Variants in IREB2 observed in about 807,000 individuals in gnomAD.
The protein encoded by IREB2 is iron responsive element binding protein 2.
Under a neutral mutation model 118.8 loss-of-function variants are expected in IREB2, and 39 were observed. The ratio of observed to expected loss-of-function variants is 0.33; its 90% CI spans 0.25 to 0.43. IREB2 has a LOEUF of 0.43. Ranked by LOEUF, IREB2 falls within the 20% of genes least tolerant of loss-of-function variation. The pLI is 1.00. For missense variants in IREB2, 900 were observed against 1,147.3 expected (o/e 0.78, Z 3.11); for synonymous variants, 372 against 392.2 (o/e 0.95, Z 0.61).
chr15:78,478,856 C>A (rs2051520346), intron 10 of IREB2, among the ~76,000 whole-genome samples: 2 of 152,170 alleles, frequency 1.3e-5, no homozygotes. Context: ...ACAATATCTA[C>A]CTCTAAGGAT....
chr15:78,499,511 A>C lies in IREB2; in HGVS notation c.*1368A>C, dbSNP rs905427398. 1 of 152,256 alleles carries C rather than the reference A, an allele frequency of 6.6e-6. No individual in the cohort carries two copies. The highest frequency in any genetic ancestry group is 1.5e-5 in the Non-Finnish European group (1 of 68,042). 9.4% of individuals were successfully genotyped at this position (152,256 alleles called of 1,614,324 possible). A position where few individuals can be genotyped will look rare whatever the true frequency, so the allele number is the denominator to read the frequency against. ...GCATAAAGAATTACTTGTTGTAAGC[A>C]AAATGCTGAAACTACCAAACCAGTG... On this transcript the variant is annotated 3_prime_UTR_variant, in exon 22 of 22. Coordinates refer to ENST00000258886, the MANE Select transcript of IREB2 (RefSeq NM_004136.4).
At chr15:78,497,471 A>ATAT in intron 21 of IREB2, 160 bp downstream of exon 21, 1 of 616,902 alleles carries the variant, frequency 1.6e-6, no homozygotes, top group East Asian at 2.8e-5. Flanking sequence ...AGCTATGTTA[A>ATAT]TAGTTCATGT....
intron 10 of IREB2, among the ~76,000 whole-genome samples, chr15:78,482,808 C>G (rs529452097): frequency 6.6e-6 from 1 of 150,762 alleles, no homozygotes; most frequent in Non-Finnish European, 1.5e-5. Flanking sequence ...AGTGCAGTGG[C>G]GCGATCTTGG....
rs2051944147 is a variant in IREB2, at chr15:78,501,399, G to C, written c.*3256G>C. 6.6e-6 allele frequency: 1 copy of C among 152,588 alleles called. No individual in the cohort carries two copies. The highest frequency in any genetic ancestry group is 2.4e-5 in the African/African-American group (1 of 41,430). The allele number at this position is 152,588 out of a possible 1,614,324, so 9.5% of individuals were successfully genotyped here. A position where few individuals can be genotyped will look rare whatever the true frequency, so the allele number is the denominator to read the frequency against. On this transcript the variant is annotated 3_prime_UTR_variant, in exon 22 of 22. Coordinates refer to ENST00000258886, the MANE Select transcript of IREB2 (RefSeq NM_004136.4). ...GCAAAGTTCAGTTGATGACAATTGT[G>C]TATATGTTACTGATGCTGTAAATTA...
chr15:78,453,627 C>T (rs75577625), intron 2 of IREB2, among the ~76,000 whole-genome samples: 2,856 of 152,194 alleles, frequency 0.019, 35 homozygotes, highest in Non-Finnish European at 0.029. Context: ...GGAGGAAGTC[C>T]GCAGCTCCCT....
At chr15:78,496,962 C>A (rs1477408481) in intron 20 of IREB2, among the ~76,000 whole-genome samples, 164 bp from the exon 21 acceptor site, 1 of 152,108 alleles carries the variant, frequency 6.6e-6, no homozygotes, top group African/African-American at 2.4e-5. Flanking sequence ...GAAAAATAAT[C>A]TGTAAGAAGG....
chr15:78,476,616 A>T (rs1162819398), intron 9 of IREB2: 3 of 259,042 alleles, frequency 1.2e-5, no homozygotes, highest in Non-Finnish European at 2.2e-5. Context: ...CCCCATAATG[A>T]TGGATACCTC....
In IREB2 at chr15:78,447,478, G is replaced by A. The variant is rs545909823; in HGVS notation, c.106+7597G>A. 5.3e-5 allele frequency among the ~76,000 whole-genome samples: 8 copies of A among 151,952 alleles called. No homozygotes were observed. In the South Asian group the frequency reaches 8.3e-4, roughly 16 times the overall value. ...CCTGAGTAGCTGGGATTACAGGTGCGTGCCACCATACCTGGCTGATTTTTG... is the reference window on the plus strand; with the variant it reads ...CCTGAGTAGCTGGGATTACAGGTGCATGCCACCATACCTGGCTGATTTTTG... On this transcript the variant is annotated intron_variant, in intron 2 of 21. Coordinates refer to ENST00000258886, the MANE Select transcript of IREB2 (RefSeq NM_004136.4).
intron 2 of IREB2, among the ~76,000 whole-genome samples, chr15:78,440,597 C>T (rs1387534163): frequency 6.6e-6 from 1 of 152,126 alleles, no homozygotes; most frequent in Non-Finnish European, 1.5e-5. Context: ...AGACTCCTGA[C>T]CTTAAGTGAT....
chr15:78,453,283 AG>A (rs1199567277), intron 2 of IREB2, among the ~76,000 whole-genome samples: 1 of 152,156 alleles, frequency 6.6e-6, no homozygotes, highest in Non-Finnish European at 1.5e-5. Context: ...TGTTTCAAAA[AG>A]GAGGTAATTA....
intron 7 of IREB2, 22 bp downstream of exon 7, chr15:78,471,946 T>G (rs748281415): frequency 2.0e-6 from 3 of 1,474,960 alleles, no homozygotes; most frequent in Non-Finnish European, 2.7e-6. Context: ...ACTAAATATA[T>G]TTCATTTCTT....
At chr15:78,452,590 T>C (rs564452590) in intron 2 of IREB2, among the ~76,000 whole-genome samples, 2 of 152,202 alleles carry the variant, frequency 1.3e-5, no homozygotes, top group East Asian at 3.9e-4. Context: ...ACAAGGAAGA[T>C]AGGCCTACCT....
At chr15:78,490,839 C>T in intron 18 of IREB2, 78 bp downstream of exon 18, 3 of 1,336,466 alleles carry the variant, frequency 2.2e-6, no homozygotes, top group South Asian at 1.4e-5. Context: ...GGTCTTGTTC[C>T]TTTTTTCCAG....
At chr15:78,490,343 C>T (rs1435090402) in intron 16 of IREB2, 79 bp from the exon 17 acceptor site, 3 of 841,798 alleles carry the variant, frequency 3.6e-6, no homozygotes, top group African/African-American at 1.7e-5. Context: ...TATTTTATTC[C>T]CTTGATCATT....
intron 3 of IREB2, 120 bp downstream of exon 3, chr15:78,463,207 G>A (rs1355570815): frequency 2.5e-6 from 2 of 804,582 alleles, no homozygotes; most frequent in African/African-American, 3.5e-5. Context: ...GGGAGGCCAA[G>A]GCAGGAAGAT....
intron 9 of IREB2, chr15:78,476,835 A>G (rs2051480224): frequency 1.3e-5 from 2 of 152,326 alleles, no homozygotes; most frequent in Non-Finnish European, 2.9e-5. Flanking sequence ...TAACCTGATT[A>G]ACTAGAAATT....
chr15:78,442,236 T>C (rs1317573014), intron 2 of IREB2, among the ~76,000 whole-genome samples: 2 of 147,988 alleles, frequency 1.4e-5, no homozygotes, highest in Non-Finnish European at 3.1e-5. Flanking sequence ...TGAGAGGTTA[T>C]TAAGTAATAA....
intron 7 of IREB2, 52 bp from the exon 8 acceptor site, chr15:78,473,190 A>G: frequency 1.3e-6 from 2 of 1,540,402 alleles, no homozygotes; most frequent in Non-Finnish European, 8.9e-7. Context: ...TGTTACAGAG[A>G]TAAATGATCT....
At chr15:78,445,495 A>G (rs1335274506) in intron 2 of IREB2, among the ~76,000 whole-genome samples, 1 of 152,374 alleles carries the variant, frequency 6.6e-6, no homozygotes, top group East Asian at 1.9e-4. Flanking sequence ...AGTAAAAAAT[A>G]GGTTGCAGTT....
Sources: allele counts gnomAD v4.1 joint callset (sites outside exome capture counted in the v4.1 genomes callset), GRCh38; gene constraint gnomAD v4.1.1; transcripts MANE v1.5; gene names NCBI Gene and HGNC (gene_info 2026-07-23, HGNC 2026-07-21).